Variants in PRR16 observed in about 807,000 individuals in gnomAD.
The protein encoded by PRR16 is proline rich 16.
PRR16 carries 6 observed loss-of-function variants against 18.2 expected under a neutral mutation model. That is an observed-to-expected ratio of 0.33 (90% CI 0.18 to 0.65). The LOEUF is 0.65. PRR16 is among the 30% of genes least tolerant of loss of function. PRR16 has a pLI of 0.74. For synonymous variants in PRR16, 151 were observed against 147.8 expected, an observed-to-expected ratio of 1.02 and a Z score of -0.16; for missense variants, 412 against 376.6, an observed-to-expected ratio of 1.09 and a Z score of -0.78.
intron 1 of PRR16, among the ~76,000 whole-genome samples, chr5:120,550,668 A>T (rs889137878): frequency 2.6e-5 from 4 of 152,040 alleles, no homozygotes; most frequent in African/African-American, 9.7e-5. Flanking sequence ...CACTAAGAGG[A>T]TTAATTAATA....
the PRR16 span, among the ~76,000 whole-genome samples, chr5:120,788,953 C>G: frequency 1.3e-5 from 2 of 151,866 alleles, no homozygotes; most frequent in Non-Finnish European, 2.9e-5. Context: ...AGAATAGTGA[C>G]TAGTAATTTT....
At chr5:120,494,695 A>T (rs1275465853) in intron 1 of PRR16, among the ~76,000 whole-genome samples, 1 of 152,106 alleles carries the variant, frequency 6.6e-6, no homozygotes, top group Non-Finnish European at 1.5e-5. Flanking sequence ...CTAAATTCTG[A>T]AGGTCTTCCT....
At chr5:120,511,412 ATT>A (rs1003636051) in intron 1 of PRR16, among the ~76,000 whole-genome samples, 3 of 152,020 alleles carry the variant, frequency 2.0e-5, no homozygotes, top group Non-Finnish European at 4.4e-5. Context: ...ATTATTGTTT[ATT>A]TTAGTCACGT....
At chr5:120,763,573 G>T in the PRR16 span, among the ~76,000 whole-genome samples, 20,793 of 152,018 alleles carry the variant, frequency 0.14, 1,974 homozygotes, top group African/African-American at 0.27. Flanking sequence ...TTTTAGAATT[G>T]TTTTATTTCT....
intron 1 of PRR16, among the ~76,000 whole-genome samples, chr5:120,513,577 T>G (rs1418539702): frequency 6.6e-6 from 1 of 152,150 alleles, no homozygotes; most frequent in Non-Finnish European, 1.5e-5. Context: ...CTTCTGATCC[T>G]CAGACATTCG....
chr5:120,661,219 AG>A (rs1183322423), intron 1 of PRR16, among the ~76,000 whole-genome samples: 1 of 152,078 alleles, frequency 6.6e-6, no homozygotes, highest in Non-Finnish European at 1.5e-5. Flanking sequence ...TACACTTTAC[AG>A]CAACCAGATA....
chr5:120,528,778 G>A (rs749051371), intron 1 of PRR16, among the ~76,000 whole-genome samples: 3 of 152,242 alleles, frequency 2.0e-5, no homozygotes, highest in East Asian at 1.9e-4. Flanking sequence ...GTCTAGAGAC[G>A]GTTGACAGTC....
intron 1 of PRR16, among the ~76,000 whole-genome samples, chr5:120,616,091 G>A (rs1348523996): frequency 6.6e-6 from 1 of 152,134 alleles, no homozygotes; most frequent in Non-Finnish European, 1.5e-5. Context: ...TTGAGGAAGA[G>A]TACTTTTTCA....
intron 1 of PRR16, among the ~76,000 whole-genome samples, chr5:120,618,882 T>C (rs933642967): frequency 2.0e-5 from 3 of 152,182 alleles, no homozygotes; most frequent in Non-Finnish European, 1.5e-5. Flanking sequence ...ATGGAATTCA[T>C]AAGACGTTCA....
chr5:120,521,558 G>A (rs7732761), intron 1 of PRR16, among the ~76,000 whole-genome samples: 65,228 of 151,852 alleles, frequency 0.43, 15,995 homozygotes, highest in African/African-American at 0.67. Flanking sequence ...GGTACAGTGT[G>A]ATGTTTCAAT....
the PRR16 span, among the ~76,000 whole-genome samples, chr5:120,703,126 C>CA: frequency 5.3e-5 from 8 of 151,874 alleles, no homozygotes; most frequent in Non-Finnish European, 4.4e-5. Context: ...AAATTACAGT[C>CA]AAAGGGGGTT....
At chr5:120,638,681 C>G (rs996127215) in intron 1 of PRR16, among the ~76,000 whole-genome samples, 2 of 152,084 alleles carry the variant, frequency 1.3e-5, no homozygotes, top group South Asian at 2.1e-4. Context: ...TTTTTAAACA[C>G]AGATTCACGC....
the PRR16 span, among the ~76,000 whole-genome samples, chr5:120,777,848 G>A: frequency 6.6e-6 from 1 of 152,028 alleles, no homozygotes; most frequent in African/African-American, 2.4e-5. Flanking sequence ...CTATATGTTT[G>A]CATATTGTTC....
At chr5:120,794,056 G>A in the PRR16 span, among the ~76,000 whole-genome samples, 1 of 152,030 alleles carries the variant, frequency 6.6e-6, no homozygotes, top group East Asian at 1.9e-4. Flanking sequence ...ACAAATGTAG[G>A]TATGTTTAAC....
chr5:120,475,118 T>C (rs1422153797), intron 1 of PRR16, among the ~76,000 whole-genome samples: 1 of 152,208 alleles, frequency 6.6e-6, no homozygotes, highest in East Asian at 1.9e-4. Flanking sequence ...ACTCACTTAA[T>C]CCTCATAGCC....
At chr5:120,622,295 T>C (rs1272357308) in intron 1 of PRR16, among the ~76,000 whole-genome samples, 1 of 151,992 alleles carries the variant, frequency 6.6e-6, no homozygotes, top group East Asian at 1.9e-4. Context: ...GATTCTACAG[T>C]TAGTTCTTGT....
chr5:120,467,287 C>T (rs1749134464), intron 1 of PRR16, among the ~76,000 whole-genome samples: 1 of 151,942 alleles, frequency 6.6e-6, no homozygotes, highest in African/African-American at 2.4e-5. Flanking sequence ...GCTTTTAGAC[C>T]ATAATATATT....
chr5:120,555,407 G>A (rs938490038), intron 1 of PRR16, among the ~76,000 whole-genome samples: 3 of 151,974 alleles, frequency 2.0e-5, no homozygotes, highest in African/African-American at 7.2e-5. Flanking sequence ...TCTGGAGCAA[G>A]AAAGTTCCAA....
chr5:120,777,224 T>A, the PRR16 span, among the ~76,000 whole-genome samples: 1 of 152,128 alleles, frequency 6.6e-6, no homozygotes, highest in Non-Finnish European at 1.5e-5. Flanking sequence ...CCAAATGAGT[T>A]TTATTGTTCA....
Sources: gnomAD v4.1 joint callset for allele counts (sites outside exome capture counted in the v4.1 genomes callset) on GRCh38, gnomAD v4.1.1 for gene constraint, MANE v1.5 for transcripts, NCBI Gene and HGNC (gene_info 2026-07-23, HGNC 2026-07-21) for gene names.